Variants in PLCB1 observed in about 807,000 individuals in gnomAD.
The protein encoded by PLCB1 is phospholipase C beta 1.
Under a neutral mutation model 161.8 loss-of-function variants are expected in PLCB1, and 46 were observed. The ratio of observed to expected loss-of-function variants is 0.28; its 90% CI spans 0.22 to 0.36. The LOEUF (loss-of-function observed/expected upper bound fraction) is 0.36, where lower values mean the gene tolerates loss of function less well. Among genes scored for constraint, PLCB1 ranks in the 10% least tolerant of loss-of-function variants. The pLI, the probability that PLCB1 is intolerant of heterozygous loss-of-function variation, is 1.00. For missense variants in PLCB1, 1,016 were observed against 1,472.5 expected, an observed-to-expected ratio of 0.69 and a Z score of 5.07; for synonymous variants, 517 against 503.7, an observed-to-expected ratio of 1.03 and a Z score of -0.35.
chr20:8,478,877 CAAAAT>C (rs200141769), intron 3 of PLCB1, among the ~76,000 whole-genome samples: 1,700 of 152,132 alleles, frequency 0.011, 30 homozygotes, highest in African/African-American at 0.037. Flanking sequence ...TAAAAATGCT[CAAAAT>C]TACTTTGATG....
chr20:8,882,079 A>AT lies in PLCB1; in HGVS notation c.*235dup. The AT allele has an allele frequency of 2.3e-6, 1 of 439,624 alleles. No individual in the cohort carries two copies. The highest frequency in any genetic ancestry group is 4.0e-6 in the Non-Finnish European group (1 of 248,634). The allele number at this position is 439,624 out of a possible 1,614,324, so 27.2% of individuals were successfully genotyped here. On this transcript the variant is annotated 3_prime_UTR_variant, in exon 32 of 32. Coordinates refer to ENST00000338037, the MANE Select transcript of PLCB1 (RefSeq NM_015192.4). ...CTAGTGAAGAATGCATGTATGTGAGATTTTTGTTTTCTTTCCAATAGCAAA... is the reference window on the plus strand; with the variant it reads ...CTAGTGAAGAATGCATGTATGTGAGATTTTTTGTTTTCTTTCCAATAGCAAA...
intron 19 of PLCB1, among the ~76,000 whole-genome samples, chr20:8,735,443 G>T (rs1410572303): frequency 1.3e-5 from 2 of 152,224 alleles, no homozygotes; most frequent in Non-Finnish European, 2.9e-5. Context: ...AGTTCTCACT[G>T]CAGTAGAGTC....
intron 3 of PLCB1, among the ~76,000 whole-genome samples, chr20:8,385,579 G>A (rs1207627460): frequency 1.3e-5 from 2 of 152,276 alleles, no homozygotes; most frequent in Non-Finnish European, 2.9e-5. Context: ...GGCTTAAGCA[G>A]ATTCGAGCTG....
chr20:8,250,020 A>T (rs1286742855), intron 2 of PLCB1, among the ~76,000 whole-genome samples: 1 of 151,968 alleles, frequency 6.6e-6, no homozygotes, highest in Non-Finnish European at 1.5e-5. Context: ...GCAAAGTATT[A>T]ACAGGCAGGC....
At chr20:8,244,405 A>C (rs113439552) in intron 2 of PLCB1, among the ~76,000 whole-genome samples, 3,546 of 152,114 alleles carry the variant, frequency 0.023, 147 homozygotes, top group African/African-American at 0.08. Flanking sequence ...TCAGCAATAA[A>C]AAGAATGAAC....
At chr20:8,606,104 T>A (rs1486295693) in intron 3 of PLCB1, among the ~76,000 whole-genome samples, 2 of 152,196 alleles carry the variant, frequency 1.3e-5, no homozygotes, top group Non-Finnish European at 1.5e-5. Flanking sequence ...AAACATTTTA[T>A]GTTCAGTGTT....
intron 4 of PLCB1, among the ~76,000 whole-genome samples, chr20:8,643,750 C>T (rs1989032360): frequency 7.1e-6 from 1 of 141,068 alleles, no homozygotes; most frequent in Non-Finnish European, 1.6e-5. Flanking sequence ...TAGCCCTCTC[C>T]CTCTCCCTCT....
At chr20:8,378,287 A>G (rs1987156097) in intron 3 of PLCB1, among the ~76,000 whole-genome samples, 1 of 152,246 alleles carries the variant, frequency 6.6e-6, no homozygotes. Context: ...CTCTGTTCTT[A>G]TATGAGGTAC....
At chr20:8,255,152 A>G (rs1423244883) in intron 2 of PLCB1, among the ~76,000 whole-genome samples, 1 of 152,098 alleles carries the variant, frequency 6.6e-6, no homozygotes. Flanking sequence ...TTTTCAAACT[A>G]GTGGTCTTGA....
chr20:8,584,738 T>C (rs2123090354), intron 3 of PLCB1, among the ~76,000 whole-genome samples: 1 of 152,272 alleles, frequency 6.6e-6, no homozygotes, highest in Non-Finnish European at 1.5e-5. Flanking sequence ...TCACCCAGGC[T>C]GGAGTGCAAT....
intron 9 of PLCB1, among the ~76,000 whole-genome samples, chr20:8,674,601 T>G (rs1032024856): frequency 6.6e-6 from 1 of 152,174 alleles, no homozygotes; most frequent in Non-Finnish European, 1.5e-5. Context: ...ACTTAGACAC[T>G]TCTGCTTCAA....
chr20:8,658,465 A>G, intron 8 of PLCB1, 73 bp from the exon 9 acceptor site: 3 of 1,134,956 alleles, frequency 2.6e-6, no homozygotes, highest in Non-Finnish European at 3.8e-6. Flanking sequence ...TTATTTCCCT[A>G]GAGTTAAATG....
At chr20:8,320,955 A>AAAAG (rs1234773210) in intron 2 of PLCB1, among the ~76,000 whole-genome samples, 1 of 151,660 alleles carries the variant, frequency 6.6e-6, no homozygotes, top group East Asian at 1.9e-4. Flanking sequence ...GGAAGGAAGG[A>AAAAG]AAAGAAAGAA....
chr20:8,658,575 A>C lies in PLCB1; in HGVS notation c.733A>C (p.Met245Leu). 1 of 1,612,516 alleles carries C rather than the reference A, an allele frequency of 6.2e-7. No homozygotes were observed. ...CAAACCATATCTTACCGTTGATCAGATGATGGATTTTATCAACCTTAAGCA... is the reference window on the plus strand; with the variant it reads ...CAAACCATATCTTACCGTTGATCAGCTGATGGATTTTATCAACCTTAAGCA... ...KSKPYLTVDQ[M>L]MDFINLKQRD... The change falls in exon 9 of 32, where the codon ATG becomes CTG. Residue 245 changes from methionine to leucine, a missense_variant. Physicochemically the swap from Met to Leu is conservative, Grantham distance 15. This residue lies in a region of PLCB1 where 117 missense variants were observed against 142.2 expected (regional missense o/e 0.82). Coordinates refer to ENST00000338037, the MANE Select transcript of PLCB1 (RefSeq NM_015192.4).
chr20:8,741,051 A>G (rs1158866921), intron 22 of PLCB1, among the ~76,000 whole-genome samples: 1 of 152,204 alleles, frequency 6.6e-6, no homozygotes, highest in African/African-American at 2.4e-5. Flanking sequence ...AAATGTCTCC[A>G]TTTATGAAAC....
chr20:8,714,666 T>C (rs1413795409), intron 12 of PLCB1, among the ~76,000 whole-genome samples: 2 of 152,142 alleles, frequency 1.3e-5, no homozygotes, highest in South Asian at 2.1e-4. Context: ...CATAAGCCAT[T>C]TAGTAAGCTC....
chr20:8,641,390 C>G (rs1305118446), intron 4 of PLCB1, among the ~76,000 whole-genome samples: 1 of 152,192 alleles, frequency 6.6e-6, no homozygotes, highest in African/African-American at 2.4e-5. Flanking sequence ...TTTACACATT[C>G]ACTTATGCAG....
chr20:8,809,701 A>C (rs1016671078), intron 31 of PLCB1, among the ~76,000 whole-genome samples: 1 of 151,908 alleles, frequency 6.6e-6, no homozygotes, highest in Non-Finnish European at 1.5e-5. Flanking sequence ...CTTTAAAAAC[A>C]AAATGAAACT....
At chr20:8,227,595 T>G (rs1979764263) in intron 2 of PLCB1, among the ~76,000 whole-genome samples, 1 of 152,220 alleles carries the variant, frequency 6.6e-6, no homozygotes, top group African/African-American at 2.4e-5. Context: ...GCTCCAATTC[T>G]GTCTTCACCC....
Sources: allele counts gnomAD v4.1 joint callset (sites outside exome capture counted in the v4.1 genomes callset), GRCh38; gene constraint gnomAD v4.1.1; regional missense constraint gnomAD v4.1.1; transcripts MANE v1.5; gene names NCBI Gene and HGNC (gene_info 2026-07-23, HGNC 2026-07-21).